Variants in MYO16 observed in about 807,000 individuals in gnomAD.
MYO16 encodes the protein unconventional myosin-XVI.
In MYO16, 94 loss-of-function variants were observed where a neutral mutation model predicts 205.3. The ratio of observed to expected loss-of-function variants is 0.46; its 90% CI spans 0.39 to 0.54. MYO16 has a LOEUF of 0.54. MYO16 is among the 20% of genes least tolerant of loss of function. MYO16 has a pLI of 0.00. For synonymous variants in MYO16, 988 were observed against 954.0 expected, an observed-to-expected ratio of 1.04 and a Z score of -0.66; for missense variants, 2,315 against 2,387.5, an observed-to-expected ratio of 0.97 and a Z score of 0.63.
At chr13:109,192,366 G>A (rs535106251) in intron 34 of MYO16, among the ~76,000 whole-genome samples, 2 of 152,160 alleles carry the variant, frequency 1.3e-5, no homozygotes, top group Non-Finnish European at 2.9e-5. Context: ...ACTTTAGCAG[G>A]GTCTTGCCTC....
In MYO16 at chr13:108,855,517, T is replaced by C. The variant is rs764415901; in HGVS notation, c.1323T>C (p.Tyr441=). Reference sequence around the variant, plus strand: ...AGCTCAATGATGGCAGCCTGCTCTATGAGATTCAGAAGCGCTTTGGGAACA... The same window carrying C: ...AGCTCAATGATGGCAGCCTGCTCTACGAGATTCAGAAGCGCTTTGGGAACA... ...LSELNDGSLL[Y]EIQKRFGNNQ... is the part of the protein sequence containing the mutation. Residue 441 remains tyrosine (Y), a synonymous_variant, in exon 11 of 35, where the codon TAT becomes TAC. Coordinates refer to ENST00000457511, the MANE Select transcript of MYO16 (RefSeq NM_001198950.3). 5.6e-6 allele frequency: 9 copies of C among 1,595,414 alleles called. No homozygotes were observed. Among genetic ancestry groups the C allele is most frequent in the Non-Finnish European group, 7.7e-6 (9 of 1,165,290 alleles).
upstream of MYO16, chr13:108,629,511 A>G (rs183021456): frequency 3.0e-3 from 766 of 253,808 alleles, 1 homozygote; most frequent in Non-Finnish European, 4.7e-3. Flanking sequence ...ACCTCCGTGC[A>G]GCAGAATGTG....
At chr13:108,738,829 G>T (rs1469335346) in intron 4 of MYO16, among the ~76,000 whole-genome samples, 1 of 152,036 alleles carries the variant, frequency 6.6e-6, no homozygotes, top group Middle Eastern at 3.2e-3. Flanking sequence ...TCCTGTATTG[G>T]GTGCATATAT....
intron 1 of MYO16, among the ~76,000 whole-genome samples, chr13:108,663,426 C>T (rs747005084): frequency 2.0e-5 from 3 of 151,960 alleles, no homozygotes; most frequent in Non-Finnish European, 2.9e-5. Flanking sequence ...TCAAAATGCG[C>T]AATAAATTTT....
chr13:108,800,025 CA>C (rs1886921138), intron 6 of MYO16, among the ~76,000 whole-genome samples: 1 of 152,100 alleles, frequency 6.6e-6, no homozygotes, highest in South Asian at 2.1e-4. Flanking sequence ...CGCCCGCCAT[CA>C]TCATGGGGAA....
At chr13:108,988,677 T>C (rs747079306) in intron 20 of MYO16, among the ~76,000 whole-genome samples, 1 of 151,974 alleles carries the variant, frequency 6.6e-6, no homozygotes, top group Non-Finnish European at 1.5e-5. Flanking sequence ...GGGAGGGAGG[T>C]AGGTATGAAG....
intron 16 of MYO16, among the ~76,000 whole-genome samples, chr13:108,920,476 A>C (rs563953570): frequency 1.3e-5 from 2 of 151,536 alleles, no homozygotes; most frequent in South Asian, 4.2e-4. Context: ...TTTAAAAACA[A>C]AAACAGAGTT....
chr13:109,192,400 C>T (rs1248146941), intron 34 of MYO16, among the ~76,000 whole-genome samples: 2 of 152,282 alleles, frequency 1.3e-5, no homozygotes, highest in South Asian at 2.1e-4. Flanking sequence ...TCCTTCCTGA[C>T]ATCTGTTTTT....
intron 10 of MYO16, among the ~76,000 whole-genome samples, chr13:108,847,591 T>C (rs55966163): frequency 2.4e-3 from 368 of 152,332 alleles, no homozygotes; most frequent in Non-Finnish European, 4.0e-3. Context: ...TAAAAACTAC[T>C]TTGCATCTCT....
intron 1 of MYO16, among the ~76,000 whole-genome samples, chr13:108,636,685 G>A (rs551811411): frequency 6.6e-6 from 1 of 151,962 alleles, no homozygotes; most frequent in Non-Finnish European, 1.5e-5. Context: ...GCCCCAAGTT[G>A]TTTTTATTTT....
chr13:108,727,646 A>C (rs757706904), intron 4 of MYO16, 63 bp downstream of exon 4: 20 of 1,522,350 alleles, frequency 1.3e-5, no homozygotes, highest in Non-Finnish European at 1.7e-5. Flanking sequence ...CTATATATTT[A>C]ACTAATGCTA....
the MYO16 span, among the ~76,000 whole-genome samples, chr13:108,504,816 T>C: frequency 6.6e-6 from 1 of 152,212 alleles, no homozygotes; most frequent in East Asian, 1.9e-4. Context: ...ATTACAGGCA[T>C]GAGCCACCAC....
chr13:109,002,564 T>A (rs555820449), intron 21 of MYO16, among the ~76,000 whole-genome samples: 16 of 152,290 alleles, frequency 1.1e-4, no homozygotes, highest in Non-Finnish European at 2.4e-4. Flanking sequence ...TTCATGAGCA[T>A]TTATGAATAC....
At chr13:108,970,584 T>C (rs1012172748) in intron 20 of MYO16, among the ~76,000 whole-genome samples, 1 of 152,130 alleles carries the variant, frequency 6.6e-6, no homozygotes, top group African/African-American at 2.4e-5. Context: ...CGAGGTAAAA[T>C]AGGGACAGGA....
chr13:108,567,967 C>A, the MYO16 span, among the ~76,000 whole-genome samples: 2 of 152,086 alleles, frequency 1.3e-5, no homozygotes, highest in Non-Finnish European at 2.9e-5. Context: ...CATGTGTGTC[C>A]TTTTGTGTCT....
At chr13:108,968,185 G>A (rs568615696) in intron 20 of MYO16, among the ~76,000 whole-genome samples, 14 of 152,126 alleles carry the variant, frequency 9.2e-5, no homozygotes, top group Admixed American at 5.2e-4. Flanking sequence ...TTCACCTCTC[G>A]TATGCTCCTG....
chr13:108,909,736 A>G (rs1371895692), intron 15 of MYO16, among the ~76,000 whole-genome samples: 1 of 152,156 alleles, frequency 6.6e-6, no homozygotes, highest in African/African-American at 2.4e-5. Flanking sequence ...GTTACAGACA[A>G]GAGCAAATCT....
At chr13:108,646,779 C>T (rs187057576) in intron 1 of MYO16, among the ~76,000 whole-genome samples, 17 of 152,006 alleles carry the variant, frequency 1.1e-4, no homozygotes, top group African/African-American at 4.1e-4. Flanking sequence ...TAATTAAATG[C>T]ACCCCTTTGA....
intron 2 of MYO16, among the ~76,000 whole-genome samples, chr13:108,675,285 C>T (rs936792238): frequency 1.6e-4 from 25 of 152,122 alleles, no homozygotes; most frequent in Non-Finnish European, 3.4e-4. Context: ...TCTAGCCCTC[C>T]GGGGCAGGTT....
Sources: gnomAD v4.1 joint callset for allele counts (sites outside exome capture counted in the v4.1 genomes callset) on GRCh38, gnomAD v4.1.1 for gene constraint, MANE v1.5 for transcripts, NCBI Gene and HGNC (gene_info 2026-07-23, HGNC 2026-07-21) for gene names.